DESI2: variants seen among roughly 807,000 people sequenced by gnomAD.
DESI2 encodes the protein desumoylating isopeptidase 2.
Under a neutral mutation model 24.1 loss-of-function variants are expected in DESI2, and 10 were observed. The observed-to-expected ratio is 0.41, with a 90% CI of 0.26 to 0.70. The LOEUF is 0.70. Ranked by LOEUF, DESI2 falls within the 30% of genes least tolerant of loss-of-function variation. DESI2 has a pLI of 0.29. For synonymous variants in DESI2, 71 were observed against 87.7 expected, an observed-to-expected ratio of 0.81 and a Z score of 1.06; for missense variants, 122 against 234.9, an observed-to-expected ratio of 0.52 and a Z score of 3.14.
At chr1:244,663,789 T>C (rs963302719) in intron 1 of DESI2, among the ~76,000 whole-genome samples, 43 of 151,780 alleles carry the variant, frequency 2.8e-4, no homozygotes, top group Non-Finnish European at 5.2e-4. Context: ...GAGGCCAAGG[T>C]GGACGGATCA....
chr1:244,699,077 C>T (rs1435568078), intron 4 of DESI2, among the ~76,000 whole-genome samples: 1 of 152,178 alleles, frequency 6.6e-6, no homozygotes, highest in African/African-American at 2.4e-5. Flanking sequence ...ACTCTGCTAC[C>T]TTTCTACTGG....
At chr1:244,666,738 G>A (rs1016294153) in intron 1 of DESI2, among the ~76,000 whole-genome samples, 20 of 152,106 alleles carry the variant, frequency 1.3e-4, no homozygotes, top group African/African-American at 4.1e-4. Context: ...GAGGGCAGAC[G>A]CAGTGTCTAT....
chr1:244,665,714 A>G (rs1206809385), intron 1 of DESI2, among the ~76,000 whole-genome samples: 1 of 152,232 alleles, frequency 6.6e-6, no homozygotes, highest in African/African-American at 2.4e-5. Flanking sequence ...AAGAAAAACT[A>G]AGTTCCCCAA....
In DESI2 at chr1:244,706,056, G is replaced by C. The variant is rs1309424264; in HGVS notation, c.*267G>C. 18 of 426,148 alleles carry C rather than the reference G, an allele frequency of 4.2e-5. No individual in the cohort carries two copies. The highest frequency in any genetic ancestry group is 7.3e-5 in the Non-Finnish European group (17 of 233,624). The allele number at this position is 426,148 out of a possible 1,614,324, so 26.4% of individuals were successfully genotyped here. On this transcript the variant is annotated 3_prime_UTR_variant, in exon 5 of 5. Transcript: ENST00000302550. ...TTCTGTTTTATACAAGCTCTGTTAA[G>C]TTATGTTTACAGTATCTTGTATCGC... is the stretch of plus-strand genomic sequence containing the variant.
chr1:244,666,152 C>T (rs1056036364), intron 1 of DESI2, among the ~76,000 whole-genome samples: 24 of 152,090 alleles, frequency 1.6e-4, no homozygotes, highest in Non-Finnish European at 2.9e-4. Context: ...CTACTCTCAG[C>T]TTATTTTCAG....
intron 1 of DESI2, among the ~76,000 whole-genome samples, chr1:244,655,014 G>A (rs908271003): frequency 6.6e-6 from 1 of 152,166 alleles, no homozygotes; most frequent in African/African-American, 2.4e-5. Context: ...ATATGAAAAC[G>A]AAAATGCATG....
At chr1:244,705,433 T>C (rs1389886646) in intron 4 of DESI2, 123 bp from the exon 5 acceptor site, 14 of 716,566 alleles carry the variant, frequency 2.0e-5, no homozygotes, top group Non-Finnish European at 3.4e-5. Context: ...GTGACACCAC[T>C]GAAGGCTAGT....
intron 4 of DESI2, 109 bp from the exon 5 acceptor site, chr1:244,705,447 C>T: frequency 2.5e-6 from 2 of 809,626 alleles, no homozygotes. Flanking sequence ...GGCTAGTCTG[C>T]CGTGGCTTCT....
At chr1:244,688,526 AG>A (rs1676899991) in intron 2 of DESI2, among the ~76,000 whole-genome samples, 1 of 152,220 alleles carries the variant, frequency 6.6e-6, no homozygotes, top group Non-Finnish European at 1.5e-5. Context: ...TTGTCTACTA[AG>A]ACTTAGCCAC....
chr1:244,703,711 T>G (rs1329572723), intron 4 of DESI2, among the ~76,000 whole-genome samples: 1 of 150,380 alleles, frequency 6.6e-6, no homozygotes, highest in Non-Finnish European at 1.5e-5. Flanking sequence ...CCGGCTGGAG[T>G]GCAGTGGTGC....
At chr1:244,705,491 C>A in intron 4 of DESI2, 65 bp from the exon 5 acceptor site, 4 of 1,382,370 alleles carry the variant, frequency 2.9e-6, no homozygotes, top group Non-Finnish European at 4.1e-6. Context: ...ACCCTCCACT[C>A]CCTGGCAGTG....
intron 1 of DESI2, among the ~76,000 whole-genome samples, chr1:244,655,501 T>C (rs1675615680): frequency 6.6e-6 from 1 of 152,210 alleles, no homozygotes; most frequent in Non-Finnish European, 1.5e-5. Flanking sequence ...TTACTTATTA[T>C]TTTTGACCTG....
chr1:244,664,805 C>A (rs565197576), intron 1 of DESI2, among the ~76,000 whole-genome samples: 1 of 152,398 alleles, frequency 6.6e-6, no homozygotes, highest in South Asian at 2.1e-4. Context: ...CTTTGCCTTA[C>A]AGAAATTTTG....
chr1:244,663,740 C>T (rs1195650794), intron 1 of DESI2, among the ~76,000 whole-genome samples: 2 of 151,930 alleles, frequency 1.3e-5, no homozygotes, highest in East Asian at 3.9e-4. Context: ...AGAACTTGGC[C>T]GGGCACGGTG....
chr1:244,677,821 G>A (rs1426245494), intron 1 of DESI2, among the ~76,000 whole-genome samples: 1 of 152,144 alleles, frequency 6.6e-6, no homozygotes, highest in East Asian at 1.9e-4. Context: ...TCAGGCGGCT[G>A]AGTTAGGAGG....
In DESI2 at chr1:244,708,208, T is replaced by C. The variant is rs994382981; in HGVS notation, c.*2419T>C. Reference sequence around the variant, plus strand: ...ATACATATGATACGGAGTCTCTTTGTTGTCACCAAGTGAACATACTTCTCA... The same window carrying C: ...ATACATATGATACGGAGTCTCTTTGCTGTCACCAAGTGAACATACTTCTCA... On this transcript the variant is annotated 3_prime_UTR_variant, in exon 5 of 5. Coordinates refer to ENST00000302550, the MANE Select transcript of DESI2 (RefSeq NM_016076.5). 3 of 152,402 alleles carry C rather than the reference T, an allele frequency of 2.0e-5. No homozygotes were observed. The highest frequency in any genetic ancestry group is 4.4e-5 in the Non-Finnish European group (3 of 68,030). The allele number at this position is 152,402 out of a possible 1,614,324, so 9.4% of individuals were successfully genotyped here.
intron 4 of DESI2, chr1:244,694,482 C>G: frequency 1.3e-6 from 1 of 790,990 alleles, no homozygotes. Flanking sequence ...AGGTGGTGTT[C>G]CTTCACGGAA....
At chr1:244,702,826 A>G (rs1442007281) in intron 4 of DESI2, among the ~76,000 whole-genome samples, 1 of 152,176 alleles carries the variant, frequency 6.6e-6, no homozygotes. Context: ...TAGATTACTG[A>G]ATGAAATTAG....
At chr1:244,681,972 G>C (rs1676629223) in intron 1 of DESI2, among the ~76,000 whole-genome samples, 1 of 152,224 alleles carries the variant, frequency 6.6e-6, no homozygotes, top group African/African-American at 2.4e-5. Flanking sequence ...TCTGGAGTTT[G>C]TTCCTTCAGA....
Sources: allele counts gnomAD v4.1 joint callset (sites outside exome capture counted in the v4.1 genomes callset), GRCh38; gene constraint gnomAD v4.1.1; transcripts MANE v1.5; gene names NCBI Gene and HGNC (gene_info 2026-07-23, HGNC 2026-07-21).